The following SOX5 variants were observed in gnomAD, a reference collection of about 807,000 sequenced individuals.
The protein encoded by SOX5 is transcription factor SOX-5.
SOX5 carries 9 observed loss-of-function variants against 92.0 expected under a neutral mutation model. That is an observed-to-expected ratio of 0.10 (90% CI 0.06 to 0.17). The LOEUF (loss-of-function observed/expected upper bound fraction) is 0.17, where lower values mean the gene tolerates loss of function less well. SOX5 is among the 10% of genes least tolerant of loss of function. The pLI is 1.00. For missense variants in SOX5, 642 were observed against 944.5 expected, an observed-to-expected ratio of 0.68 and a Z score of 4.20; for synonymous variants, 344 against 336.3, an observed-to-expected ratio of 1.02 and a Z score of -0.25.
chr12:23,659,660 T>TAAA (rs1462687414), intron 7 of SOX5, among the ~76,000 whole-genome samples: 36 of 152,144 alleles, frequency 2.4e-4, no homozygotes, highest in African/African-American at 8.0e-4. Context: ...AAAGGACAAG[T>TAAA]AAAAAACAAC....
chr12:23,765,942 G>A (rs148031293), intron 3 of SOX5, among the ~76,000 whole-genome samples: 1 of 152,226 alleles, frequency 6.6e-6, no homozygotes, highest in African/African-American at 2.4e-5. Context: ...ATCATCTCCT[G>A]AGGAAGATAC....
At chr12:23,942,921 A>G (rs182291542) in intron 1 of SOX5, among the ~76,000 whole-genome samples, 1 of 152,224 alleles carries the variant, frequency 6.6e-6, no homozygotes, top group East Asian at 1.9e-4. Flanking sequence ...TCTTTCAAAG[A>G]TGTGAAGAGC....
intron 3 of SOX5, among the ~76,000 whole-genome samples, chr12:23,792,872 G>A (rs138617623): frequency 6.6e-6 from 1 of 152,188 alleles, no homozygotes; most frequent in Non-Finnish European, 1.5e-5. Context: ...AAAGAAATCA[G>A]TGACTAGTTG....
intron 8 of SOX5, among the ~76,000 whole-genome samples, chr12:23,638,990 T>C (rs2079653081): frequency 6.6e-6 from 1 of 152,114 alleles, no homozygotes; most frequent in African/African-American, 2.4e-5. Flanking sequence ...TTTCTTGTTA[T>C]ACTACAGGAT....
In SOX5 at chr12:23,949,479, G is replaced by C; in HGVS notation, c.38+85C>G. ...AGGCTTCTCTAACAAACACGTTTTG[G>C]GGGAGCATCTTCCAATGATTCAGAG... On this transcript the variant is annotated intron_variant, in intron 1 of 14. Coordinates refer to ENST00000451604, the MANE Select transcript of SOX5 (RefSeq NM_006940.6). 3 of 1,526,578 alleles carry C rather than the reference G, an allele frequency of 2.0e-6. No homozygotes were observed. In the East Asian group the frequency reaches 6.8e-5, roughly 34 times the overall value. The allele number at this position is 1,526,578 out of a possible 1,614,324, so 94.6% of individuals were successfully genotyped here.
chr12:23,544,599 G>A (rs1257128523), intron 12 of SOX5, among the ~76,000 whole-genome samples: 1 of 152,002 alleles, frequency 6.6e-6, no homozygotes, highest in Non-Finnish European at 1.5e-5. Context: ...CATACCTGTT[G>A]GTGAAGTTTC....
chr12:24,445,289 TA>T (rs1941302053), intron 1 of SOX5, among the ~76,000 whole-genome samples: 1 of 152,210 alleles, frequency 6.6e-6, no homozygotes. Context: ...CTTAACACGT[TA>T]AAACATTATG....
chr12:24,106,137 C>A (rs1047416771), intron 4 of SOX5, among the ~76,000 whole-genome samples: 1 of 147,472 alleles, frequency 6.8e-6, no homozygotes, highest in African/African-American at 2.5e-5. Flanking sequence ...AAAGACAAGT[C>A]AAGGAATGAG....
In SOX5 at chr12:23,642,816, G is replaced by A. The variant is rs1416575736; in HGVS notation, c.932-1919C>T. Among the ~76,000 whole-genome samples, 4 of 147,244 alleles carry A rather than the reference G, an allele frequency of 2.7e-5. 1 individual carries two copies. Among genetic ancestry groups the A allele is most frequent in the Non-Finnish European group, 6.2e-5 (4 of 65,026 alleles). On this transcript the variant is annotated intron_variant, in intron 7 of 14. Transcript: ENST00000451604. ...TAAAAGGTAATTATGGGCCGGGCGC[G>A]GTGGCTCACGCCTGTAATCCCAGCA...
intron 6 of SOX5, among the ~76,000 whole-genome samples, chr12:23,700,961 A>G (rs1328831085): frequency 1.3e-5 from 2 of 151,538 alleles, no homozygotes; most frequent in Non-Finnish European, 2.9e-5. Context: ...ATATGTGTGT[A>G]TATATATACA....
At position 24,092,224 on chromosome 12, in the gene SOX5, C is replaced by T. The variant is rs76264098; in HGVS notation, c.-2+121119G>A. Reference sequence around the variant, plus strand: ...CTAAACTTCTCTGATTCATTGTCTTCTCTTTCTGCTATTCTGGGGAAAAAT... The same window carrying T: ...CTAAACTTCTCTGATTCATTGTCTTTTCTTTCTGCTATTCTGGGGAAAAAT... On this transcript the variant is annotated intron_variant, in intron 4 of 4. Coordinates refer to the SOX5 transcript ENST00000446891. 5.2e-3 allele frequency among the ~76,000 whole-genome samples: 782 copies of T among 149,016 alleles called. 18 individuals are homozygous for T. The East Asian group carries it at 0.059, about 11-fold the overall frequency.
chr12:23,954,797 AAC>A (rs1946087050), upstream of SOX5, among the ~76,000 whole-genome samples: 1 of 152,106 alleles, frequency 6.6e-6, no homozygotes. Context: ...TATTTGAAGA[AAC>A]AGTGTTCTTC....
chr12:23,790,655 T>C (rs2095459548), intron 3 of SOX5, among the ~76,000 whole-genome samples: 1 of 151,946 alleles, frequency 6.6e-6, no homozygotes, highest in Non-Finnish European at 1.5e-5. Flanking sequence ...CTATTATCAC[T>C]TCTATGTAAA....
At chr12:23,938,305 C>T (rs1276070165) in intron 1 of SOX5, among the ~76,000 whole-genome samples, 1 of 150,974 alleles carries the variant, frequency 6.6e-6, no homozygotes, top group Non-Finnish European at 1.5e-5. Flanking sequence ...CTATGTATTT[C>T]TTCAAGCTTA....
At chr12:24,545,276 A>G (rs1952514946) in intron 1 of SOX5, among the ~76,000 whole-genome samples, 1 of 152,192 alleles carries the variant, frequency 6.6e-6, no homozygotes, top group Non-Finnish European at 1.5e-5. Context: ...ATTCAAGATG[A>G]TCTACAAGGT....
At chr12:24,388,201 C>A (rs1464519864) in intron 1 of SOX5, among the ~76,000 whole-genome samples, 3 of 152,168 alleles carry the variant, frequency 2.0e-5, no homozygotes, top group African/African-American at 4.8e-5. Context: ...ACATATAATT[C>A]TAATCTTCCT....
intron 3 of SOX5, among the ~76,000 whole-genome samples, chr12:23,813,294 CA>C (rs2095912716): frequency 6.6e-6 from 1 of 152,120 alleles, no homozygotes; most frequent in Non-Finnish European, 1.5e-5. Flanking sequence ...TTAATTTATA[CA>C]ACAAACTAAT....
At chr12:23,823,366 A>T (rs2096162542) in intron 3 of SOX5, among the ~76,000 whole-genome samples, 1 of 152,112 alleles carries the variant, frequency 6.6e-6, no homozygotes, top group South Asian at 2.1e-4. Flanking sequence ...TTTCTCCTTC[A>T]CTTATAAAGC....
At chr12:24,418,654 G>C (rs1190615969) in intron 1 of SOX5, among the ~76,000 whole-genome samples, 7 of 152,166 alleles carry the variant, frequency 4.6e-5, no homozygotes. Flanking sequence ...ATTGGAAAAG[G>C]CCAGCCCAAT....
Sources: allele counts gnomAD v4.1 joint callset (sites outside exome capture counted in the v4.1 genomes callset), GRCh38; gene constraint gnomAD v4.1.1; transcripts MANE v1.5; gene names NCBI Gene and HGNC (gene_info 2026-07-23, HGNC 2026-07-21).